ESRRG: variants seen among roughly 807,000 people sequenced by gnomAD.
The protein encoded by ESRRG is estrogen-related receptor gamma.
A neutral mutation model predicts 44.0 loss-of-function variants in ESRRG; 13 were observed. The observed-to-expected ratio is 0.30, with a 90% CI of 0.19 to 0.47. ESRRG has a LOEUF of 0.47. Ranked by LOEUF, ESRRG falls within the 20% of genes least tolerant of loss-of-function variation. ESRRG has a pLI of 1.00. For missense variants in ESRRG, 395 were observed against 580.6 expected (o/e 0.68, Z 3.29); for synonymous variants, 215 against 214.6 (o/e 1.00, Z -0.02).
intron 1 of ESRRG, among the ~76,000 whole-genome samples, chr1:217,007,432 A>G (rs2077912291): frequency 2.0e-5 from 3 of 152,202 alleles, no homozygotes; most frequent in East Asian, 1.9e-4. Flanking sequence ...ACATTTTCAT[A>G]ACAAACTTTG....
At chr1:216,774,872 G>A (rs937172027) in intron 2 of ESRRG, among the ~76,000 whole-genome samples, 18 of 146,336 alleles carry the variant, frequency 1.2e-4, no homozygotes, top group African/African-American at 4.6e-4. Context: ...CACGAGCACA[G>A]CTCACTGAAG....
At chr1:217,108,374 A>T (rs1457576476) in intron 1 of ESRRG, among the ~76,000 whole-genome samples, 1 of 152,140 alleles carries the variant, frequency 6.6e-6, no homozygotes, top group Non-Finnish European at 1.5e-5. Flanking sequence ...GCTTTGCTGC[A>T]TACTTGTGGG....
chr1:216,790,338 G>A (rs1323297376), intron 2 of ESRRG, among the ~76,000 whole-genome samples: 1 of 152,110 alleles, frequency 6.6e-6, no homozygotes, highest in East Asian at 1.9e-4. Flanking sequence ...CTTCTTTTGA[G>A]CCCATTCCCC....
intron 1 of ESRRG, among the ~76,000 whole-genome samples, chr1:216,694,660 GT>G (rs751914583): frequency 9.9e-5 from 15 of 152,150 alleles, no homozygotes; most frequent in Non-Finnish European, 1.8e-4. Flanking sequence ...CTGGGCTCAA[GT>G]GATCCTCCTG....
upstream of ESRRG, among the ~76,000 whole-genome samples, chr1:216,727,856 T>A (rs1353727526): frequency 6.6e-6 from 1 of 151,994 alleles, no homozygotes; most frequent in African/African-American, 2.4e-5. Flanking sequence ...CTCACCGACA[T>A]AACACACTAA....
intron 2 of ESRRG, among the ~76,000 whole-genome samples, chr1:216,844,859 G>A (rs530792494): frequency 1.3e-5 from 2 of 151,988 alleles, no homozygotes; most frequent in Non-Finnish European, 2.9e-5. Flanking sequence ...GTACAAGTAG[G>A]AACTTTGTTT....
Position 216,988,724 on chromosome 1 carries a change from A to C in ESRRG, c.-105-49051T>G, listed in dbSNP as rs183541035. On this transcript the variant is annotated intron_variant, in intron 1 of 7. Transcript: ENST00000359162. ...TACTTGAAGGTAAAACTCTTGAAGG[A>C]GTTATTCTAGATATCTTCCTAGATG... Among the ~76,000 whole-genome samples, 175 of 152,246 alleles carry C rather than the reference A, an allele frequency of 1.1e-3. 2 individuals carry two copies. Among genetic ancestry groups the C allele is most frequent in the Non-Finnish European group, 7.9e-4 (54 of 68,010 alleles).
intron 1 of ESRRG, among the ~76,000 whole-genome samples, chr1:217,036,830 A>G (rs1473282489): frequency 1.2e-5 from 1 of 86,358 alleles, no homozygotes; most frequent in Non-Finnish European, 3.1e-5. Flanking sequence ...AAAAAAAGAA[A>G]AGAAAGAAAA....
intron 3 of ESRRG, among the ~76,000 whole-genome samples, chr1:216,633,993 A>T (rs945072346): frequency 5.9e-5 from 9 of 152,204 alleles, no homozygotes; most frequent in African/African-American, 2.2e-4. Context: ...AATTACAGTT[A>T]TTGATGACAA....
intron 3 of ESRRG, among the ~76,000 whole-genome samples, chr1:216,603,395 A>G (rs2059499296): frequency 1.3e-5 from 2 of 152,186 alleles, no homozygotes; most frequent in South Asian, 4.1e-4. Context: ...TTATAACTTT[A>G]CCTATCTGCC....
rs1393365330 is a variant in ESRRG, at chr1:216,691,035, T to C, written c.57-13544A>G. ...AACCTGCCTTCATTTGCCATTTTCT[T>C]CCCTCAAAATATGTCCAATAATAAA... On this transcript the variant is annotated intron_variant, in intron 1 of 6. Transcript: ENST00000408911. Among the ~76,000 whole-genome samples the C allele has an allele frequency of 2.0e-5, 3 of 152,318 alleles. No individual in the cohort carries two copies. The East Asian group carries it at 5.8e-4, about 29-fold the overall frequency.
At chr1:216,842,954 T>C (rs1278600970) in intron 2 of ESRRG, among the ~76,000 whole-genome samples, 2 of 152,282 alleles carry the variant, frequency 1.3e-5, no homozygotes. Context: ...ACCTATGAGA[T>C]ATATATCATC....
At chr1:216,644,809 G>C (rs1414936282) in intron 3 of ESRRG, among the ~76,000 whole-genome samples, 1 of 152,074 alleles carries the variant, frequency 6.6e-6, no homozygotes, top group African/African-American at 2.4e-5. Flanking sequence ...ATAACTATCT[G>C]ATTTGTTTTG....
chr1:216,567,511 T>A (rs1047563166), intron 4 of ESRRG, among the ~76,000 whole-genome samples: 3 of 152,196 alleles, frequency 2.0e-5, no homozygotes, highest in Non-Finnish European at 2.9e-5. Flanking sequence ...TAAACTTCTA[T>A]AGCTCCAAAT....
At chr1:216,720,077 AAC>A (rs563601499) in intron 1 of ESRRG, among the ~76,000 whole-genome samples, 7 of 152,110 alleles carry the variant, frequency 4.6e-5, no homozygotes, top group Non-Finnish European at 1.0e-4. Flanking sequence ...TTAACTCAGG[AAC>A]AGTTGTTTTT....
intron 2 of ESRRG, among the ~76,000 whole-genome samples, chr1:216,847,568 T>G (rs1266814755): frequency 1.3e-5 from 2 of 152,126 alleles, no homozygotes; most frequent in African/African-American, 4.8e-5. Flanking sequence ...CCAGAGATGA[T>G]GAGAGCCAGG....
intron 1 of ESRRG, among the ~76,000 whole-genome samples, chr1:217,082,557 A>G (rs917216525): frequency 3.9e-5 from 6 of 152,130 alleles, no homozygotes; most frequent in African/African-American, 1.4e-4. Context: ...CCTTCAGGGG[A>G]TACGTGCACA....
At chr1:216,644,631 T>C (rs2067155616) in intron 3 of ESRRG, among the ~76,000 whole-genome samples, 1 of 151,600 alleles carries the variant, frequency 6.6e-6, no homozygotes, top group Non-Finnish European at 1.5e-5. Flanking sequence ...AAATGAGGGT[T>C]TCATCACGTT....
chr1:216,708,959 A>G (rs924259902), intron 1 of ESRRG, among the ~76,000 whole-genome samples: 6 of 152,148 alleles, frequency 3.9e-5, no homozygotes, highest in Non-Finnish European at 8.8e-5. Flanking sequence ...GCAAACTAAC[A>G]CAGGAACAGA....
Sources: gnomAD v4.1 joint callset for allele counts (sites outside exome capture counted in the v4.1 genomes callset) on GRCh38, gnomAD v4.1.1 for gene constraint, MANE v1.5 for transcripts, NCBI Gene and HGNC (gene_info 2026-07-23, HGNC 2026-07-21) for gene names.